Variants in DNAH14 observed in about 807,000 individuals in gnomAD.
The protein encoded by DNAH14 is dynein axonemal heavy chain 14, also known as axonemal beta dynein heavy chain 14.
In DNAH14, 478 loss-of-function variants were observed where a neutral mutation model predicts 520.9. The observed-to-expected ratio is 0.92, with a 90% CI of 0.85 to 0.99. The LOEUF (loss-of-function observed/expected upper bound fraction) is 0.99, where lower values mean the gene tolerates loss of function less well. DNAH14 is among the 50% of genes least tolerant of loss of function. The probability of loss-of-function intolerance (pLI) is 0.00; values close to 1 mark genes in which losing one functional copy is unlikely to be tolerated. For missense variants in DNAH14, 4,831 were observed against 5,234.5 expected (o/e 0.92, Z 2.38); for synonymous variants, 1,581 against 1,757.2 (o/e 0.90, Z 2.51).
At chr1:225,335,848 C>CATATGTACAT (rs1558437370) in intron 66 of DNAH14, among the ~76,000 whole-genome samples, 1 of 110,664 alleles carries the variant, frequency 9.0e-6, no homozygotes, top group African/African-American at 3.9e-5. Context: ...TGTACATACA[C>CATATGTACAT]ATATGTACAT....
intron 8 of DNAH14, among the ~76,000 whole-genome samples, chr1:224,977,731 A>G (rs2061967518): frequency 6.6e-6 from 1 of 152,250 alleles, no homozygotes; most frequent in African/African-American, 2.4e-5. Context: ...CAGGGTGAAG[A>G]GACAGCCTGC....
intron 8 of DNAH14, among the ~76,000 whole-genome samples, chr1:224,991,860 C>T (rs937398768): frequency 3.9e-5 from 6 of 152,018 alleles, no homozygotes; most frequent in African/African-American, 7.3e-5. Context: ...AATGAACATA[C>T]GCGAAAAAGG....
intron 17 of DNAH14, among the ~76,000 whole-genome samples, chr1:225,058,909 T>G (rs563394705): frequency 5.3e-5 from 8 of 152,330 alleles, no homozygotes; most frequent in African/African-American, 1.9e-4. Flanking sequence ...TTTGTTATAA[T>G]TTTTATTCTT....
intron 63 of DNAH14, 52 bp downstream of exon 63, chr1:225,324,405 G>A: frequency 1.3e-6 from 2 of 1,529,992 alleles, no homozygotes; most frequent in Non-Finnish European, 1.8e-6. Context: ...GCACATCAAT[G>A]TCCCAGAAAT....
intron 60 of DNAH14, among the ~76,000 whole-genome samples, chr1:225,310,486 G>A (rs998481408): frequency 5.3e-5 from 8 of 152,078 alleles, no homozygotes; most frequent in Non-Finnish European, 1.0e-4. Context: ...TCTGGGATAC[G>A]TGTGCAGAAT....
At chr1:225,280,805 C>G (rs1410932303) in intron 54 of DNAH14, among the ~76,000 whole-genome samples, 1 of 152,094 alleles carries the variant, frequency 6.6e-6, no homozygotes, top group Admixed American at 6.5e-5. Flanking sequence ...GACTTCTTAT[C>G]AGACACAATG....
intron 23 of DNAH14, among the ~76,000 whole-genome samples, chr1:225,105,611 T>G (rs1344740369): frequency 2.6e-5 from 4 of 152,230 alleles, no homozygotes; most frequent in Non-Finnish European, 5.9e-5. Flanking sequence ...TAGCTCTTCT[T>G]GTTGAATTGA....
intron 8 of DNAH14, among the ~76,000 whole-genome samples, chr1:224,999,109 A>G (rs1315972562): frequency 2.0e-5 from 3 of 150,946 alleles, no homozygotes; most frequent in African/African-American, 4.9e-5. Flanking sequence ...TACACAATAT[A>G]TCTTTCCCAT....
chr1:225,270,264 C>T (rs1332295453), intron 49 of DNAH14, among the ~76,000 whole-genome samples: 3 of 139,550 alleles, frequency 2.1e-5, no homozygotes, highest in African/African-American at 2.7e-5. Context: ...TAGGTGGGAA[C>T]TGAACAATGA....
At chr1:224,996,791 G>GC (rs1411124452) in intron 8 of DNAH14, among the ~76,000 whole-genome samples, 1 of 152,192 alleles carries the variant, frequency 6.6e-6, no homozygotes, top group Non-Finnish European at 1.5e-5. Context: ...GAGGGGACCA[G>GC]CTGATATGCT....
rs1463597228 is a variant in DNAH14 at position 225,111,837 on chromosome 1, A to G, written c.3868-5847A>G. 2.0e-5 allele frequency among the ~76,000 whole-genome samples: 3 copies of G among 152,220 alleles called. No homozygotes were observed. The South Asian group carries it at 6.2e-4, about 32-fold the overall frequency. On this transcript the variant is annotated intron_variant, in intron 23 of 85. Transcript: ENST00000682510. ...GATCTGAGGTTACCATGAGGCTTGC[A>G]AATAATATCATGTAACTGTTATTTT...
chr1:225,050,539 C>T (rs959055540), intron 16 of DNAH14, among the ~76,000 whole-genome samples, 163 bp downstream of exon 16: 2 of 152,156 alleles, frequency 1.3e-5, no homozygotes, highest in African/African-American at 2.4e-5. Context: ...GATCTGTCAT[C>T]GCTGCTCACC....
intron 8 of DNAH14, among the ~76,000 whole-genome samples, chr1:224,997,758 T>C (rs562792519): frequency 2.0e-4 from 30 of 152,046 alleles, no homozygotes; most frequent in Non-Finnish European, 4.0e-4. Flanking sequence ...ATTTTTTAAA[T>C]TATTATTATT....
At chr1:225,333,243 T>C (rs1437370326) in intron 65 of DNAH14, 48 bp from the exon 66 acceptor site, 3 of 1,382,662 alleles carry the variant, frequency 2.2e-6, no homozygotes, top group East Asian at 5.1e-5. Context: ...AAATATCTCA[T>C]GATAATATAT....
chr1:225,370,147 G>C (rs186720783), intron 77 of DNAH14, among the ~76,000 whole-genome samples: 14 of 152,114 alleles, frequency 9.2e-5, no homozygotes, highest in African/African-American at 3.4e-4. Flanking sequence ...AATTAGCCTG[G>C]CGTGGTGGCA....
At chr1:224,957,411 A>G (rs1276098091) in intron 3 of DNAH14, among the ~76,000 whole-genome samples, 1 of 152,104 alleles carries the variant, frequency 6.6e-6, no homozygotes, top group African/African-American at 2.4e-5. Flanking sequence ...CAGAGAAGTT[A>G]GGGCTGAGGT....
chr1:225,245,126 G>C (rs1206625083), intron 43 of DNAH14, among the ~76,000 whole-genome samples: 2 of 152,150 alleles, frequency 1.3e-5, no homozygotes, highest in African/African-American at 4.8e-5. Context: ...TTCCAGAGCA[G>C]GTTGCTCAGT....
intron 36 of DNAH14, among the ~76,000 whole-genome samples, chr1:225,173,593 CA>C (rs1239016494): frequency 6.6e-6 from 1 of 152,034 alleles, no homozygotes; most frequent in Non-Finnish European, 1.5e-5. Context: ...TGGTGATCAT[CA>C]AAAAGTCAGG....
rs116810066 is a variant in DNAH14 at position 225,114,436 on chromosome 1, G to A, written c.3868-3248G>A. Among the ~76,000 whole-genome samples, 723 of 152,256 alleles carry A rather than the reference G, an allele frequency of 4.7e-3. 4 individuals are homozygous for A. The highest frequency in any genetic ancestry group is 0.016 in the African/African-American group (679 of 41,532). The stretch of plus-strand genomic sequence containing the variant: ...TAACAAGTCTCTTTTGGAGCTGGGA[G>A]CTGTGCTGCCTGGGGTTGGGGGAGA... On this transcript the variant is annotated intron_variant, in intron 23 of 85. Coordinates refer to ENST00000682510, the MANE Select transcript of DNAH14 (RefSeq NM_001367479.1).
Sources: gnomAD v4.1 joint callset for allele counts (sites outside exome capture counted in the v4.1 genomes callset) on GRCh38, gnomAD v4.1.1 for gene constraint, MANE v1.5 for transcripts, NCBI Gene and HGNC (gene_info 2026-07-23, HGNC 2026-07-21) for gene names.